ACOT12: variants seen among roughly 807,000 people sequenced by gnomAD.
ACOT12 encodes acyl-CoA thioesterase 12.
In ACOT12, 51 loss-of-function variants were observed where a neutral mutation model predicts 67.7. That is an observed-to-expected ratio of 0.75 (90% confidence interval 0.60 to 0.95). The LOEUF is 0.95. Ranked by LOEUF, ACOT12 falls within the 40% of genes least tolerant of loss-of-function variation. The pLI is 0.00. For synonymous variants in ACOT12, 251 were observed against 244.6 expected, an observed-to-expected ratio of 1.03 and a Z score of -0.24; for missense variants, 734 against 708.1, an observed-to-expected ratio of 1.04 and a Z score of -0.41.
At chr5:81,344,080 A>G in intron 9 of ACOT12, 80 bp downstream of exon 9, 2 of 1,464,550 alleles carry the variant, frequency 1.4e-6, no homozygotes, top group Non-Finnish European at 1.9e-6. Context: ...ACGTGGGAAT[A>G]GAGACCCAGA....
At chr5:81,337,218 T>G (rs72771176) in intron 11 of ACOT12, among the ~76,000 whole-genome samples, 9,643 of 152,290 alleles carry the variant, frequency 0.063, 400 homozygotes, top group Non-Finnish European at 0.093. Context: ...GATGGCCTGC[T>G]GGGGCTCTGC....
intron 2 of ACOT12, among the ~76,000 whole-genome samples, chr5:81,374,931 A>G (rs1760363738): frequency 6.6e-6 from 1 of 152,256 alleles, no homozygotes; most frequent in African/African-American, 2.4e-5. Context: ...GATATTATCC[A>G]GGAGAACTTC....
chr5:81,330,910 G>A lies in ACOT12; in HGVS notation c.1422C>T (p.Val474=). The change falls in exon 14 of 15, where the codon GTC becomes GTT. Residue 474 remains valine (V), a synonymous_variant. Transcript: ENST00000307624. The stretch of plus-strand genomic sequence containing the variant: ...GAGACGGGGGGACCGATGGCAAAAT[G>A]ACCGACTTCACTGCCACTGTGTAAG... ...GNTYTVAVKS[V]ILPSVPPSPQ... is the part of the protein sequence containing the mutation. 6.2e-7 allele frequency: 1 copy of A among 1,612,324 alleles called. No individual in the cohort carries two copies. The highest frequency in any genetic ancestry group is 8.5e-7 in the Non-Finnish European group (1 of 1,179,404).
In ACOT12 at chr5:81,388,867, T is replaced by C. The variant is rs572545851; in HGVS notation, c.128-3041A>G. Among the ~76,000 whole-genome samples, 9 of 152,200 alleles carry C rather than the reference T, an allele frequency of 5.9e-5. No homozygotes were observed. The South Asian group carries it at 1.7e-3, about 28-fold the overall frequency. ...AATAGTGAATAAGCCTCACGAGATG[T>C]GATGGTTTTATAAGGGGAAACCCCT... On this transcript the variant is annotated intron_variant, in intron 1 of 14. Transcript: ENST00000307624.
chr5:81,345,124 C>T (rs1282289375), intron 7 of ACOT12, 83 bp from the exon 8 acceptor site: 2 of 805,226 alleles, frequency 2.5e-6, no homozygotes, highest in Non-Finnish European at 3.6e-6. Flanking sequence ...ACCTCCTCGC[C>T]CACCGCTGCC....
chr5:81,353,576 T>C (rs1040742322), intron 5 of ACOT12, among the ~76,000 whole-genome samples: 26 of 152,336 alleles, frequency 1.7e-4, no homozygotes, highest in African/African-American at 5.8e-4. Flanking sequence ...TAAGATCTGA[T>C]TTTCTTACTC....
At chr5:81,317,468 C>CG in the ACOT12 span, among the ~76,000 whole-genome samples, 1 of 145,874 alleles carries the variant, frequency 6.9e-6, no homozygotes, top group African/African-American at 2.6e-5. Flanking sequence ...TGCCACTGCA[C>CG]ACCAGCCTGG....
intron 11 of ACOT12, 148 bp downstream of exon 11, chr5:81,342,524 C>T: frequency 1.4e-6 from 1 of 736,584 alleles, no homozygotes; most frequent in Non-Finnish European, 2.3e-6. Context: ...AGAGACAGGG[C>T]TGAAAAGATG....
At chr5:81,368,511 G>A (rs2153855777) in intron 3 of ACOT12, among the ~76,000 whole-genome samples, 1 of 151,672 alleles carries the variant, frequency 6.6e-6, no homozygotes, top group African/African-American at 2.4e-5. Flanking sequence ...TCTCTGCAAA[G>A]GAATTAAATT....
chr5:81,381,233 AT>A (rs1365924520), intron 2 of ACOT12, among the ~76,000 whole-genome samples: 2 of 151,820 alleles, frequency 1.3e-5, no homozygotes, highest in African/African-American at 4.8e-5. Context: ...CACCCAGCTA[AT>A]TTTTTCTATT....
chr5:81,329,727 C>T (rs931305434), downstream of ACOT12, among the ~76,000 whole-genome samples: 7 of 152,172 alleles, frequency 4.6e-5, no homozygotes, highest in Middle Eastern at 3.2e-3. Flanking sequence ...AAAGAGATCA[C>T]GGTCAATATT....
At chr5:81,330,658 C>A in intron 14 of ACOT12, 115 bp from the exon 15 acceptor site, 1 of 1,472,924 alleles carries the variant, frequency 6.8e-7, no homozygotes, top group Non-Finnish European at 9.1e-7. Flanking sequence ...TTCTGGGGGA[C>A]CTTCTGGAAT....
intron 11 of ACOT12, 69 bp downstream of exon 11, chr5:81,342,603 G>A (rs1434863192): frequency 3.3e-6 from 5 of 1,500,476 alleles, no homozygotes; most frequent in Non-Finnish European, 4.6e-6. Flanking sequence ...AGAAGCAGTA[G>A]AACCACCACC....
chr5:81,312,535 C>T, the ACOT12 span: 1 of 1,603,468 alleles, frequency 6.2e-7, no homozygotes, highest in Non-Finnish European at 8.5e-7. Flanking sequence ...TTTTTCTATT[C>T]CTTTACAGAG....
Position 81,346,134 on chromosome 5 carries a change from T to G in ACOT12, c.654-130A>C, listed in dbSNP as rs551643932. 2.4e-5 allele frequency: 33 copies of G among 1,400,656 alleles called. 1 individual carries two copies. In the South Asian group the frequency reaches 3.8e-4, roughly 16 times the overall value. The allele number at this position is 1,400,656 out of a possible 1,614,324, so 86.8% of individuals were successfully genotyped here. A position where few individuals can be genotyped will look rare whatever the true frequency, so the allele number is the denominator to read the frequency against. On this transcript the variant is annotated intron_variant, in intron 6 of 14. Transcript: ENST00000307624. ...AAATAAATAACTGGATTATGTGGGT[T>G]GAGGGTAGGTCTGCACGCTACCTGC...
At chr5:81,346,878 A>G (rs948632774) in intron 6 of ACOT12, among the ~76,000 whole-genome samples, 2 of 152,378 alleles carry the variant, frequency 1.3e-5, no homozygotes, top group East Asian at 3.9e-4. Context: ...GAAAATTGTC[A>G]GAAGGGCAGA....
At chr5:81,385,217 T>C (rs531677095) in intron 2 of ACOT12, among the ~76,000 whole-genome samples, 2 of 152,128 alleles carry the variant, frequency 1.3e-5, no homozygotes, top group Non-Finnish European at 2.9e-5. Flanking sequence ...GGGAAGCCAG[T>C]GGGTGGATCG....
intron 7 of ACOT12, among the ~76,000 whole-genome samples, chr5:81,345,602 T>C (rs750629502): frequency 2.6e-5 from 4 of 151,914 alleles, no homozygotes; most frequent in Non-Finnish European, 4.4e-5. Context: ...AAAGGAAAAG[T>C]TAATAATTAT....
intron 4 of ACOT12, among the ~76,000 whole-genome samples, chr5:81,361,218 C>CTT (rs113814402): frequency 0.13 from 18,596 of 142,200 alleles, 1,303 homozygotes; most frequent in Non-Finnish European, 0.17. Flanking sequence ...GGTTTAACTC[C>CTT]TTTTTTTTTT....
Sources: gnomAD v4.1 joint callset for allele counts (sites outside exome capture counted in the v4.1 genomes callset) on GRCh38, gnomAD v4.1.1 for gene constraint, MANE v1.5 for transcripts, NCBI Gene and HGNC (gene_info 2026-07-23, HGNC 2026-07-21) for gene names.